HMGCS1: variants seen among roughly 807,000 people sequenced by gnomAD.
The protein encoded by HMGCS1 is hydroxymethylglutaryl-CoA synthase, cytoplasmic.
In HMGCS1, 9 loss-of-function variants were observed where a neutral mutation model predicts 52.3. That is an observed-to-expected ratio of 0.17 (90% CI 0.10 to 0.30). The LOEUF (loss-of-function observed/expected upper bound fraction) is 0.30. HMGCS1 is among the 10% of genes least tolerant of loss of function. The pLI is 1.00. For synonymous variants in HMGCS1, 176 were observed against 214.4 expected (o/e 0.82, Z 1.57); for missense variants, 320 against 620.9 (o/e 0.52, Z 5.15).
chr5:43,292,640 A>G lies in HMGCS1; in HGVS notation c.1310-3T>C. The G allele has an allele frequency of 6.2e-7, 1 of 1,608,270 alleles. No homozygotes were observed. The highest frequency in any genetic ancestry group is 8.5e-7 in the Non-Finnish European group (1 of 1,174,982). The stretch of plus-strand genomic sequence containing the variant: ...TGAACCCTGGGGAATATAGTTGACT[A>G]AAGGAAAGGGAGAGAATATCTACAA... On this transcript the variant is annotated splice_region_variant and splice_polypyrimidine_tract_variant and intron_variant, in intron 9 of 10. Coordinates refer to ENST00000325110, the MANE Select transcript of HMGCS1 (RefSeq NM_001098272.3).
At chr5:43,300,466 T>A (rs1294837221) in intron 2 of HMGCS1, among the ~76,000 whole-genome samples, 3 of 152,146 alleles carry the variant, frequency 2.0e-5, no homozygotes, top group African/African-American at 7.2e-5. Context: ...CCTGTATTTA[T>A]GTCATTTGTC....
intron 10 of HMGCS1, among the ~76,000 whole-genome samples, chr5:43,291,435 A>C (rs983158682): frequency 6.6e-6 from 1 of 151,702 alleles, no homozygotes; most frequent in Non-Finnish European, 1.5e-5. Flanking sequence ...TATGGGGGGG[A>C]GAGGAAGCCT....
Position 43,299,090 on chromosome 5 carries a change from C to A in HMGCS1, c.-10-115G>T, listed in dbSNP as rs1754176285. The A allele has an allele frequency of 2.5e-5, 18 of 731,572 alleles. No individual in the cohort carries two copies. The Admixed American group carries it at 5.2e-4, about 21-fold the overall frequency. 45.3% of individuals were successfully genotyped at this position (731,572 alleles called of 1,614,324 possible). A position where few individuals can be genotyped will look rare whatever the true frequency, so the allele number is the denominator to read the frequency against. On this transcript the variant is annotated intron_variant, in intron 2 of 10. Transcript: ENST00000325110. ...TAGCAATCACCTGAAGTATTAGTTT[C>A]TTTAAGTTTAGTATTTAGGGCACTC...
intron 2 of HMGCS1, among the ~76,000 whole-genome samples, chr5:43,300,625 AC>A (rs1561118980): frequency 6.6e-6 from 1 of 151,958 alleles, no homozygotes; most frequent in Non-Finnish European, 1.5e-5. Context: ...CTCTGTCTCA[AC>A]AAAAAAAATT....
chr5:43,292,720 T>G (rs1329034608), intron 9 of HMGCS1, 83 bp from the exon 10 acceptor site: 1 of 1,501,844 alleles, frequency 6.7e-7, no homozygotes, highest in African/African-American at 1.4e-5. Context: ...GTTTCATATA[T>G]CCCAATAATT....
chr5:43,293,990 C>A, intron 8 of HMGCS1, 66 bp downstream of exon 8: 1 of 1,048,472 alleles, frequency 9.5e-7, no homozygotes, highest in Non-Finnish European at 1.5e-6. Context: ...GCTGGGATTA[C>A]GGGTGTGAGC....
At chr5:43,310,144 G>A (rs74889437) in intron 1 of HMGCS1, among the ~76,000 whole-genome samples, 2,762 of 152,316 alleles carry the variant, frequency 0.018, 80 homozygotes, top group African/African-American at 0.063. Flanking sequence ...AAAAACTAAT[G>A]TTAAGAAAGA....
rs1753640371 is a variant in HMGCS1, at chr5:43,289,513, A to G, written c.*1618T>C. 6.6e-6 allele frequency: 1 copy of G among 152,596 alleles called. No individual in the cohort carries two copies. Among genetic ancestry groups the G allele is most frequent in the Non-Finnish European group, 1.5e-5 (1 of 68,030 alleles). 9.5% of individuals were successfully genotyped at this position (152,596 alleles called of 1,614,324 possible). ...CCCATTGCCGGCAATGGACTTTGAG[A>G]AAACCCATTTCCTGGCACCCAAAAG... On this transcript the variant is annotated 3_prime_UTR_variant, in exon 11 of 11. Coordinates refer to ENST00000325110, the MANE Select transcript of HMGCS1 (RefSeq NM_001098272.3).
chr5:43,307,233 G>A (rs767385228), intron 2 of HMGCS1, among the ~76,000 whole-genome samples: 42 of 152,046 alleles, frequency 2.8e-4, no homozygotes, highest in South Asian at 1.5e-3. Flanking sequence ...ACCAAGCCTG[G>A]CTAATTTTTT....
chr5:43,295,720 A>G (rs764426633), intron 6 of HMGCS1, 32 bp downstream of exon 6: 3 of 1,539,080 alleles, frequency 1.9e-6, no homozygotes, highest in Non-Finnish European at 2.7e-6. Flanking sequence ...GCTCTAATAT[A>G]GAAGGAAAAA....
In HMGCS1 at chr5:43,298,464, T is replaced by A. The variant is rs574796938; in HGVS notation, c.448+54A>T. ...TTAATTAAAGTGTCATCTGGGTCTA[T>A]TGAACCTTAGAAAAAAATTTTGGGG... is the stretch of plus-strand genomic sequence containing the variant. On this transcript the variant is annotated intron_variant, in intron 3 of 10. Coordinates refer to ENST00000325110, the MANE Select transcript of HMGCS1 (RefSeq NM_001098272.3). This position sits in a 1 kb window ranked among gnomAD's most constrained non-coding sequence, Gnocchi z 5.6. The A allele has an allele frequency of 2.9e-6, 4 of 1,390,328 alleles. No homozygotes were observed. The highest frequency in any genetic ancestry group is 4.6e-5 in the East Asian group (2 of 43,540). 86.1% of individuals were successfully genotyped at this position (1,390,328 alleles called of 1,614,324 possible).
intron 6 of HMGCS1, 127 bp downstream of exon 6, chr5:43,295,624 CA>C (rs1170867749): frequency 1.5e-6 from 1 of 650,264 alleles, no homozygotes; most frequent in Non-Finnish European, 2.6e-6. Context: ...CTGAGACACA[CA>C]GATTAGACTG....
rs909314261 is a variant in HMGCS1 at position 43,289,982 on chromosome 5, TTTG to T, written c.*1146_*1148del. On this transcript the variant is annotated 3_prime_UTR_variant, in exon 11 of 11. Transcript: ENST00000325110. The stretch of plus-strand genomic sequence containing the variant: ...TTATCTATCCTGTGTGATAGTTTTG[TTTG>T]TTGTTGTTTTTTAAGGTAAAAGTCC... 1.0e-4 allele frequency: 16 copies of T among 152,580 alleles called. No individual in the cohort carries two copies. The highest frequency in any genetic ancestry group is 3.9e-4 in the African/African-American group (16 of 41,440). 9.5% of individuals were successfully genotyped at this position (152,580 alleles called of 1,614,324 possible).
intron 2 of HMGCS1, among the ~76,000 whole-genome samples, chr5:43,302,726 G>A (rs932171581): frequency 3.3e-5 from 5 of 152,310 alleles, no homozygotes; most frequent in Admixed American, 2.0e-4. Context: ...TGGGAAGGAA[G>A]TAGAAGATGG....
chr5:43,299,506 C>T (rs1167966862), intron 2 of HMGCS1, among the ~76,000 whole-genome samples: 2 of 151,888 alleles, frequency 1.3e-5, no homozygotes, highest in Non-Finnish European at 2.9e-5. Context: ...AAGAATTAGC[C>T]GGGCGTGGTG....
Position 43,292,833 on chromosome 5 carries a change from A to G in HMGCS1, c.1309+15T>C, listed in dbSNP as rs772492906. 2 of 1,611,250 alleles carry G rather than the reference A, an allele frequency of 1.2e-6. No homozygotes were observed. The highest frequency in any genetic ancestry group is 1.7e-6 in the Non-Finnish European group (2 of 1,179,342). ...CTCCAAATGGGTTAACTTAAAGAAC[A>G]TTTAATATTTTTACCCAAATGATGG... On this transcript the variant is annotated intron_variant, in intron 9 of 10. Coordinates refer to ENST00000325110, the MANE Select transcript of HMGCS1 (RefSeq NM_001098272.3).
chr5:43,299,372 G>C (rs1053100046), intron 2 of HMGCS1, among the ~76,000 whole-genome samples: 1 of 152,156 alleles, frequency 6.6e-6, no homozygotes, highest in Admixed American at 6.5e-5. Context: ...AAATTAGGCC[G>C]GGCGTGGTGG....
intron 6 of HMGCS1, among the ~76,000 whole-genome samples, chr5:43,295,501 A>T (rs1281861394): frequency 6.6e-6 from 1 of 152,198 alleles, no homozygotes; most frequent in Non-Finnish European, 1.5e-5. Context: ...CAGTTACTTT[A>T]TCGTGACAAC....
intron 5 of HMGCS1, among the ~76,000 whole-genome samples, 196 bp downstream of exon 5, chr5:43,296,806 A>G (rs112894618): frequency 2.1e-3 from 320 of 152,354 alleles, no homozygotes; most frequent in African/African-American, 7.3e-3. Flanking sequence ...GATACACCTC[A>G]GTTCCAAAGT....
Sources: allele counts gnomAD v4.1 joint callset (sites outside exome capture counted in the v4.1 genomes callset), GRCh38; gene constraint gnomAD v4.1.1; non-coding constraint Gnocchi (gnomAD v3.1); transcripts MANE v1.5; gene names NCBI Gene and HGNC (gene_info 2026-07-23, HGNC 2026-07-21).